The following MLLT10 variants were observed in gnomAD, a reference collection of about 807,000 sequenced individuals.
MLLT10 encodes MLLT10 histone lysine methyltransferase DOT1L cofactor, also known as protein AF-10.
MLLT10 carries 30 observed loss-of-function variants against 129.1 expected under a neutral mutation model. The ratio of observed to expected loss-of-function variants is 0.23; its 90% CI spans 0.17 to 0.32. MLLT10 has a LOEUF of 0.32. Ranked by LOEUF, MLLT10 falls within the 10% of genes least tolerant of loss-of-function variation. MLLT10 has a pLI of 1.00. For missense variants in MLLT10, 1,119 were observed against 1,268.3 expected (o/e 0.88, Z 1.79); for synonymous variants, 490 against 446.4 (o/e 1.10, Z -1.23).
intron 8 of MLLT10, among the ~76,000 whole-genome samples, chr10:21,643,961 A>G (rs951606297): frequency 6.6e-6 from 1 of 152,068 alleles, no homozygotes; most frequent in African/African-American, 2.4e-5. Context: ...CATTACTGTG[A>G]TTATTTCAAG....
chr10:21,598,541 C>T (rs1260738470), intron 5 of MLLT10, among the ~76,000 whole-genome samples: 4 of 152,070 alleles, frequency 2.6e-5, no homozygotes, highest in East Asian at 1.9e-4. Flanking sequence ...TGTATTCCTA[C>T]GGAGATACAT....
At chr10:21,691,993 CAT>C (rs919906477) in intron 13 of MLLT10, among the ~76,000 whole-genome samples, 10 of 96,758 alleles carry the variant, frequency 1.0e-4, no homozygotes, top group Admixed American at 4.4e-4. Flanking sequence ...GGTGAAACCT[CAT>C]ATCTACAAAA....
chr10:21,614,634 T>G (rs2045042632), intron 6 of MLLT10, among the ~76,000 whole-genome samples, 197 bp from the exon 7 acceptor site: 1 of 152,208 alleles, frequency 6.6e-6, no homozygotes, highest in South Asian at 2.1e-4. Flanking sequence ...AAACATAACT[T>G]TAAAAAAAGA....
intron 9 of MLLT10, among the ~76,000 whole-genome samples, chr10:21,651,994 C>A (rs564971181): frequency 6.9e-6 from 1 of 144,804 alleles, no homozygotes; most frequent in Admixed American, 7.2e-5. Flanking sequence ...CTCACTGCAA[C>A]CTCCACTTAC....
At chr10:21,538,994 G>C in intron 3 of MLLT10, 82 bp downstream of exon 3, 1 of 943,012 alleles carries the variant, frequency 1.1e-6, no homozygotes, top group Non-Finnish European at 1.7e-6. Flanking sequence ...TGGTTTGTGG[G>C]GTTGTCAGTC....
intron 8 of MLLT10, chr10:21,624,800 G>C (rs1393465813): frequency 9.3e-7 from 1 of 1,074,220 alleles, no homozygotes; most frequent in Non-Finnish European, 1.4e-6. Flanking sequence ...TCCCCTGATT[G>C]CCCTGAGATC....
intron 3 of MLLT10, among the ~76,000 whole-genome samples, chr10:21,566,811 AT>A (rs373523242): frequency 6.7e-6 from 1 of 148,976 alleles, no homozygotes; most frequent in South Asian, 2.1e-4. Flanking sequence ...TTCCACTGAA[AT>A]TTTTTTTCTT....
chr10:21,668,867 G>A, intron 9 of MLLT10: 2 of 1,121,296 alleles, frequency 1.8e-6, no homozygotes, highest in Non-Finnish European at 2.2e-6. Context: ...AAAAATACAT[G>A]AGTGAAGAAC....
At chr10:21,548,841 A>G (rs1005724160) in intron 3 of MLLT10, among the ~76,000 whole-genome samples, 2 of 152,050 alleles carry the variant, frequency 1.3e-5, no homozygotes, top group Admixed American at 6.6e-5. Context: ...TGTTTGAAGA[A>G]TTATATTCGT....
At chr10:21,601,186 C>G (rs554561281) in intron 5 of MLLT10, among the ~76,000 whole-genome samples, 1 of 152,156 alleles carries the variant, frequency 6.6e-6, no homozygotes, top group African/African-American at 2.4e-5. Context: ...ATTCAAACAA[C>G]CCCCCTGCCT....
intron 13 of MLLT10, among the ~76,000 whole-genome samples, chr10:21,689,012 C>T (rs1227119825): frequency 7.2e-5 from 11 of 152,152 alleles, no homozygotes; most frequent in Non-Finnish European, 1.5e-4. Flanking sequence ...CTGTTAACCA[C>T]TTGAAGTATG....
rs752228670 is a variant in MLLT10 at position 21,732,960 on chromosome 10, A to T, written c.2280A>T (p.Gln760His). ...TTGAAAACCGAAGATTAGAGGAACA[A>T]ATTAAAAACTTGACTGCCAAAAAGG... ...LQVENRRLEE[Q>H]IKNLTAKKER... The change falls in exon 18 of 23, where the codon CAA (glutamine) becomes CAT (histidine). Residue 760 changes from glutamine to histidine, a missense_variant. By Grantham distance (24) the Gln-to-His change is conservative (BLOSUM62 0). Around this residue, in one of 5 missense-constraint regions of MLLT10, gnomAD observed 1,004 missense variants for 1,008.7 expected, o/e 1.00. Transcript: ENST00000307729. 1.2e-6 allele frequency: 2 copies of T among 1,613,978 alleles called. No individual in the cohort carries two copies. Among genetic ancestry groups the T allele is most frequent in the African/African-American group, 1.3e-5 (1 of 74,938 alleles).
At chr10:21,726,427 A>G (rs1221418880) in intron 15 of MLLT10, 72 bp downstream of exon 15, 1 of 1,073,994 alleles carries the variant, frequency 9.3e-7, no homozygotes, top group Non-Finnish European at 1.4e-6. Flanking sequence ...CTTTTGGTTC[A>G]TTTTATTTGA....
chr10:21,670,402 A>C (rs889684404), intron 9 of MLLT10, 47 bp from the exon 10 acceptor site: 1 of 1,537,020 alleles, frequency 6.5e-7, no homozygotes, highest in African/African-American at 1.4e-5. Flanking sequence ...TCTGTAACTA[A>C]AATGTAATCA....
intron 3 of MLLT10, among the ~76,000 whole-genome samples, chr10:21,558,013 G>C (rs1481806272): frequency 7.1e-6 from 1 of 141,124 alleles, no homozygotes; most frequent in Non-Finnish European, 1.5e-5. Flanking sequence ...ACAGTGGTGC[G>C]ATCTGGGCTC....
chr10:21,580,434 G>T (rs950685178), intron 3 of MLLT10, among the ~76,000 whole-genome samples: 1 of 150,260 alleles, frequency 6.7e-6, no homozygotes, highest in Non-Finnish European at 1.5e-5. Flanking sequence ...TGTCACCCAG[G>T]CTGGAGTGCA....
intron 14 of MLLT10, among the ~76,000 whole-genome samples, chr10:21,719,254 T>G (rs2056966235): frequency 6.6e-6 from 1 of 152,246 alleles, no homozygotes; most frequent in African/African-American, 2.4e-5. Flanking sequence ...CAGATTTAAC[T>G]GACTTCTGGG....
Position 21,687,664 on chromosome 10 carries a change from T to TA in MLLT10, c.1699+5414dup, listed in dbSNP as rs940699035. ...ATCACTTGGTAAGGGATAATTAGGT[T>TA]AAAAAAAGGGGAAGGGAACTAGGCC... On this transcript the variant is annotated intron_variant, in intron 13 of 22. Transcript: ENST00000307729. Among the ~76,000 whole-genome samples, 13 of 152,014 alleles carry TA rather than the reference T, an allele frequency of 8.6e-5. No homozygotes were observed. In the South Asian group the frequency reaches 1.0e-3, roughly 12 times the overall value.
At position 21,534,308 on chromosome 10, in the gene MLLT10, C is replaced by CT; in HGVS notation, c.-213_-212insT. 2 of 381,966 alleles carry CT rather than the reference C, an allele frequency of 5.2e-6. No homozygotes were observed. Among genetic ancestry groups the CT allele is most frequent in the Non-Finnish European group, 9.4e-6 (2 of 213,372 alleles). The allele number at this position is 381,966 out of a possible 1,614,324, so 23.7% of individuals were successfully genotyped here. A position where few individuals can be genotyped will look rare whatever the true frequency, so the allele number is the denominator to read the frequency against. ...TCGCTGCCCCTGGCCCAGCGGGAGC[C>CT]CCCCCTCCCCCCAGTGCGCCTGTGC... On this transcript the variant is annotated 5_prime_UTR_variant, in exon 1 of 23. Transcript: ENST00000307729.
Sources: gnomAD v4.1 joint callset for allele counts (sites outside exome capture counted in the v4.1 genomes callset) on GRCh38, gnomAD v4.1.1 for gene constraint, gnomAD v4.1.1 regional missense constraint, MANE v1.5 for transcripts, NCBI Gene and HGNC (gene_info 2026-07-23, HGNC 2026-07-21) for gene names.